The following CAST variants were observed in gnomAD, a reference collection of about 807,000 sequenced individuals.
The protein encoded by CAST is MIR583 host.
CAST carries 76 observed loss-of-function variants against 119.6 expected under a neutral mutation model. The observed-to-expected ratio is 0.64, with a 90% CI of 0.53 to 0.77. The LOEUF (loss-of-function observed/expected upper bound fraction) is 0.77. Among genes scored for constraint, CAST ranks in the 30% least tolerant of loss-of-function variants. CAST has a pLI of 0.00. For missense variants in CAST, 953 were observed against 946.5 expected (o/e 1.01, Z -0.09); for synonymous variants, 319 against 331.6 (o/e 0.96, Z 0.41).
chr5:96,058,348 C>A, the CAST span, among the ~76,000 whole-genome samples: 1 of 152,264 alleles, frequency 6.6e-6, no homozygotes, highest in Middle Eastern at 3.4e-3. Flanking sequence ...TCTAGAGATT[C>A]CCAGTGTTAC....
chr5:96,651,704 G>A (rs1748096541), intron 1 of CAST, among the ~76,000 whole-genome samples: 1 of 152,162 alleles, frequency 6.6e-6, no homozygotes, highest in Non-Finnish European at 1.5e-5. Context: ...GCTCACTTCT[G>A]TCCGTATCTC....
the CAST span, among the ~76,000 whole-genome samples, chr5:96,188,198 G>A: frequency 6.6e-6 from 1 of 152,094 alleles, no homozygotes; most frequent in Admixed American, 6.6e-5. Context: ...TCTATAGAAA[G>A]ATTAGTTTAT....
the CAST span, among the ~76,000 whole-genome samples, chr5:96,058,521 AAGAAATTTGGTACC>A: frequency 6.7e-6 from 1 of 150,092 alleles, no homozygotes; most frequent in Non-Finnish European, 1.5e-5. Context: ...AAATTGACCT[AAGAAATTTGGTACC>A]AGAAGGGCTC....
the CAST span, among the ~76,000 whole-genome samples, chr5:96,414,850 G>C: frequency 6.6e-6 from 1 of 152,106 alleles, no homozygotes; most frequent in Non-Finnish European, 1.5e-5. Flanking sequence ...GAAGATGTTA[G>C]TATCAAAGGA....
At chr5:96,027,852 A>C in the CAST span, among the ~76,000 whole-genome samples, 1 of 152,158 alleles carries the variant, frequency 6.6e-6, no homozygotes, top group Non-Finnish European at 1.5e-5. Flanking sequence ...TCAACTTCAT[A>C]ACCCAGACAA....
At chr5:96,240,735 CTTTT>C in the CAST span, among the ~76,000 whole-genome samples, 292 of 102,424 alleles carry the variant, frequency 2.9e-3, 1 homozygote, top group African/African-American at 0.01. Flanking sequence ...AGCTAACTTT[CTTTT>C]TTTTTTTTTT....
chr5:96,662,625 G>C (rs1748696727), intron 1 of CAST, 128 bp downstream of exon 1: 2 of 1,054,850 alleles, frequency 1.9e-6, no homozygotes, highest in Admixed American at 9.3e-5. Context: ...GCGGGGCAGG[G>C]AGAGGGCTAG....
the CAST span, among the ~76,000 whole-genome samples, chr5:96,322,420 A>G: frequency 3.3e-5 from 5 of 151,994 alleles, no homozygotes. Context: ...TCCCTCTCCA[A>G]CCGGGAGCCA....
chr5:96,729,155 G>A lies in CAST; in HGVS notation c.381G>A (p.Leu127=), dbSNP rs765357210. 1.9e-6 allele frequency: 3 copies of A among 1,585,352 alleles called. No homozygotes were observed. Among genetic ancestry groups the A allele is most frequent in the Non-Finnish European group, 2.6e-6 (3 of 1,155,010 alleles). ...GTTTAATCTTTTGAAATTGACAGCT[G>A]TCTGTGGTTCATGAGAAAAAATCCC... ...EPEKKSQSTK[L]SVVHEKKSQE... Residue 127 remains leucine (L), a splice_region_variant and synonymous_variant, in exon 7 of 32, where the codon CTG becomes CTA. Coordinates refer to ENST00000675179, the MANE Select transcript of CAST (RefSeq NM_001750.7).
the CAST span, among the ~76,000 whole-genome samples, chr5:96,397,933 CATT>C: frequency 6.6e-6 from 1 of 151,618 alleles, no homozygotes; most frequent in African/African-American, 2.4e-5. Flanking sequence ...ATTATGCAAT[CATT>C]AATAATCATA....
At chr5:96,706,924 C>T (rs140816440) in intron 3 of CAST, among the ~76,000 whole-genome samples, 3 of 152,258 alleles carry the variant, frequency 2.0e-5, no homozygotes, top group East Asian at 1.9e-4. Context: ...TAACTGGAGC[C>T]GCCACAGCTG....
At chr5:96,313,674 G>A in the CAST span, among the ~76,000 whole-genome samples, 1 of 152,130 alleles carries the variant, frequency 6.6e-6, no homozygotes, top group Non-Finnish European at 1.5e-5. Context: ...ATACCTTCAT[G>A]TAACCTTCAC....
chr5:96,029,677 A>C, the CAST span, among the ~76,000 whole-genome samples: 1 of 152,170 alleles, frequency 6.6e-6, no homozygotes, highest in Non-Finnish European at 1.5e-5. Context: ...AAAGCAGAAG[A>C]ATCAAGAAGT....
the CAST span, among the ~76,000 whole-genome samples, chr5:96,256,514 A>T: frequency 6.6e-6 from 1 of 151,494 alleles, no homozygotes; most frequent in Non-Finnish European, 1.5e-5. Context: ...ATAGTCTGCT[A>T]TGTGGGTAGG....
At chr5:96,488,669 C>T in the CAST span, among the ~76,000 whole-genome samples, 1 of 152,096 alleles carries the variant, frequency 6.6e-6, no homozygotes, top group African/African-American at 2.4e-5. Flanking sequence ...ACTCCGTTTC[C>T]TTTCTTGGAT....
chr5:96,599,269 T>C (rs946386527), intron 1 of CAST, among the ~76,000 whole-genome samples: 17 of 152,188 alleles, frequency 1.1e-4, no homozygotes, highest in African/African-American at 4.1e-4. Context: ...GAGGGACTGG[T>C]GGTTAGTGCC....
At chr5:96,428,643 C>G in the CAST span, among the ~76,000 whole-genome samples, 1 of 152,166 alleles carries the variant, frequency 6.6e-6, no homozygotes, top group Non-Finnish European at 1.5e-5. Flanking sequence ...CAATAGATTA[C>G]TTATGGAAAC....
the CAST span, chr5:96,412,782 A>G: frequency 4.8e-6 from 1 of 210,244 alleles, no homozygotes; most frequent in African/African-American, 1.7e-4. Flanking sequence ...TTTTGGTCCC[A>G]CTCAAGGCTC....
At chr5:96,263,900 G>T in the CAST span, among the ~76,000 whole-genome samples, 1,403 of 152,222 alleles carry the variant, frequency 9.2e-3, 27 homozygotes, top group African/African-American at 0.033. Context: ...AGGACCATCA[G>T]ATCTTGTGAT....
Sources: gnomAD v4.1 joint callset for allele counts (sites outside exome capture counted in the v4.1 genomes callset) on GRCh38, gnomAD v4.1.1 for gene constraint, MANE v1.5 for transcripts, NCBI Gene and HGNC (gene_info 2026-07-23, HGNC 2026-07-21) for gene names.